IARS1: variants seen among roughly 807,000 people sequenced by gnomAD.
The protein encoded by IARS1 is isoleucine--tRNA ligase, cytoplasmic.
In IARS1, 124 loss-of-function variants were observed where a neutral mutation model predicts 168.2. The ratio of observed to expected loss-of-function variants is 0.74; its 90% CI spans 0.64 to 0.86. The LOEUF (loss-of-function observed/expected upper bound fraction) is 0.86. Among genes scored for constraint, IARS1 ranks in the 40% least tolerant of loss-of-function variants. The pLI, the probability that IARS1 is intolerant of heterozygous loss-of-function variation, is 0.00. For missense variants in IARS1, 1,452 were observed against 1,515.8 expected, an observed-to-expected ratio of 0.96 and a Z score of 0.70; for synonymous variants, 532 against 529.4, an observed-to-expected ratio of 1.00 and a Z score of -0.07.
chr9:92,220,837 C>T (rs147121504), intron 33 of IARS1, among the ~76,000 whole-genome samples: 18,279 of 151,546 alleles, frequency 0.12, 1,176 homozygotes, highest in Middle Eastern at 0.17. Context: ...CATGGTGGCG[C>T]GTGCCTGTAG....
At chr9:92,211,696 C>CA (rs1189243386) in intron 33 of IARS1, among the ~76,000 whole-genome samples, 4 of 151,892 alleles carry the variant, frequency 2.6e-5, no homozygotes, top group Non-Finnish European at 5.9e-5. Flanking sequence ...CCTATGTCTA[C>CA]AAAAAAAGCC....
chr9:92,215,461 A>C (rs1838509222), intron 33 of IARS1, among the ~76,000 whole-genome samples: 1 of 152,224 alleles, frequency 6.6e-6, no homozygotes, highest in Non-Finnish European at 1.5e-5. Context: ...GCTTCAGACG[A>C]TCAAATTACT....
chr9:92,213,484 G>C (rs886518495), intron 33 of IARS1, among the ~76,000 whole-genome samples: 7 of 152,214 alleles, frequency 4.6e-5, no homozygotes, highest in African/African-American at 1.7e-4. Context: ...AAACAGAAGA[G>C]AAGGAGGCAA....
intron 10 of IARS1, among the ~76,000 whole-genome samples, chr9:92,273,581 G>C (rs1833392946): frequency 1.3e-5 from 2 of 152,188 alleles, no homozygotes; most frequent in East Asian, 3.8e-4. Flanking sequence ...TTCTGTGTAT[G>C]TTTCAAGATT....
At chr9:92,265,362 A>G (rs917504504) in intron 15 of IARS1, 118 bp downstream of exon 15, 9 of 980,504 alleles carry the variant, frequency 9.2e-6, no homozygotes, top group Middle Eastern at 2.1e-4. Context: ...GACATGAGTC[A>G]TCAGCAAAGT....
Position 92,269,920 on chromosome 9 carries a change from C to T in IARS1, c.1269G>A (p.Val423=). 3 of 1,613,616 alleles carry T rather than the reference C, an allele frequency of 1.9e-6. No homozygotes were observed. The highest frequency in any genetic ancestry group is 2.2e-5 in the East Asian group (1 of 44,862). ...PSWFVRVENM[V]DQLLRNNDLC... ...GGTCATTGTTCCTTAGGAGCTGGTC[C>T]ACCATGTTCTCCACTCGCACAAACC... The change falls in exon 13 of 34, where the codon GTG becomes GTA. Residue 423 remains valine (V), a synonymous_variant. Coordinates refer to ENST00000443024, the MANE Select transcript of IARS1 (RefSeq NM_002161.6).
chr9:92,283,035 A>G (rs1309421489), intron 6 of IARS1, among the ~76,000 whole-genome samples: 1 of 151,944 alleles, frequency 6.6e-6, no homozygotes, highest in African/African-American at 2.4e-5. Context: ...TTGTAATTTT[A>G]GTAGAGATGG....
At position 92,249,608 on chromosome 9, in the gene IARS1, C is replaced by T. The variant is rs76666737; in HGVS notation, c.2616+250G>A. On this transcript the variant is annotated intron_variant, in intron 25 of 33. Coordinates refer to ENST00000443024, the MANE Select transcript of IARS1 (RefSeq NM_002161.6). ...AAGGAAAGGACAGGACAGAAAAGAA[C>T]AGAACTTCAGGGAAGTGAATGAAGA... Among the ~76,000 whole-genome samples, 1,221 of 152,116 alleles carry T rather than the reference C, an allele frequency of 8.0e-3. 13 individuals carry two copies. The highest frequency in any genetic ancestry group is 0.028 in the African/African-American group (1,169 of 41,506).
chr9:92,268,728 G>A (rs915374036), intron 13 of IARS1, among the ~76,000 whole-genome samples: 23 of 152,170 alleles, frequency 1.5e-4, no homozygotes, highest in African/African-American at 5.3e-4. Flanking sequence ...CACCTCTCTG[G>A]TCATCCTTGG....
rs1832758818 is a variant in IARS1 at position 92,269,740 on chromosome 9, G to A, written c.1304+145C>T. ...TGTAACATTATTTGAATTATTTTGT[G>A]CTCCTAAACACACAGAAGAAAAGAT... is the stretch of plus-strand genomic sequence containing the variant. On this transcript the variant is annotated intron_variant, in intron 13 of 33. Transcript: ENST00000443024. The A allele has an allele frequency of 5.6e-6, 3 of 539,882 alleles. No individual in the cohort carries two copies. In the East Asian group the frequency reaches 9.1e-5, roughly 16 times the overall value. 33.4% of individuals were successfully genotyped at this position (539,882 alleles called of 1,614,324 possible). A position where few individuals can be genotyped will look rare whatever the true frequency, so the allele number is the denominator to read the frequency against.
intron 16 of IARS1, among the ~76,000 whole-genome samples, chr9:92,264,378 C>A (rs545666509): frequency 2.6e-5 from 4 of 151,406 alleles, no homozygotes; most frequent in Non-Finnish European, 5.9e-5. Flanking sequence ...GCCAGCAAAG[C>A]CAATCCATGG....
intron 33 of IARS1, among the ~76,000 whole-genome samples, chr9:92,220,655 C>A (rs1839531403): frequency 6.7e-6 from 1 of 148,264 alleles, no homozygotes; most frequent in South Asian, 2.2e-4. Flanking sequence ...AAACAAAAAA[C>A]ACGAATAGAA....
chr9:92,234,388 C>A (rs889888166), intron 30 of IARS1, among the ~76,000 whole-genome samples: 1 of 152,102 alleles, frequency 6.6e-6, no homozygotes, highest in Non-Finnish European at 1.5e-5. Context: ...CATATCAAAT[C>A]ATATTAAGGC....
At chr9:92,248,572 G>A (rs868744230) in intron 25 of IARS1, among the ~76,000 whole-genome samples, 4 of 146,634 alleles carry the variant, frequency 2.7e-5, no homozygotes, top group East Asian at 4.0e-4. Context: ...AGGATTGCCC[G>A]AGCCCAGGAG....
chr9:92,273,421 A>C (rs1341558279), intron 10 of IARS1, among the ~76,000 whole-genome samples: 3 of 152,190 alleles, frequency 2.0e-5, no homozygotes, highest in Non-Finnish European at 2.9e-5. Context: ...TTAGACACGA[A>C]AGACATGAGG....
Position 92,245,038 on chromosome 9 carries a change from T to C in IARS1, c.2825A>G (p.Asp942Gly), listed in dbSNP as rs1828981863. ...GGTGTACATGAGGCGGATGTCTTCA[T>C]CGTGCAATTCATGGCCTTCCACAAC... Reference protein sequence around the residue: ...TIVVEGHELHDEDIRLMYTFD... With the variant: ...TIVVEGHELHGEDIRLMYTFD... Residue 942 changes from aspartate to glycine, a missense_variant, in exon 27 of 34, where the codon GAT (aspartate) becomes GGT (glycine). Physicochemically the swap from Asp to Gly is moderately conservative, Grantham distance 94. Transcript: ENST00000443024. The C allele has an allele frequency of 1.2e-6, 2 of 1,614,230 alleles. No homozygotes were observed. The highest frequency in any genetic ancestry group is 2.2e-5 in the East Asian group (1 of 44,886).
At chr9:92,258,090 A>T (rs1830986050) in intron 19 of IARS1, among the ~76,000 whole-genome samples, 1 of 152,096 alleles carries the variant, frequency 6.6e-6, no homozygotes, top group Non-Finnish European at 1.5e-5. Flanking sequence ...AACTGCTGTC[A>T]CTCTCAGATT....
At chr9:92,263,455 A>G (rs1831824612) in intron 16 of IARS1, among the ~76,000 whole-genome samples, 1 of 152,260 alleles carries the variant, frequency 6.6e-6, no homozygotes, top group Admixed American at 6.5e-5. Flanking sequence ...ACTCTCACCC[A>G]AAAGTGATAA....
chr9:92,268,936 C>T (rs72750448), intron 13 of IARS1, among the ~76,000 whole-genome samples: 4,654 of 152,228 alleles, frequency 0.031, 112 homozygotes, highest in South Asian at 0.079. Flanking sequence ...TGCAGAAATC[C>T]TTTTCAAGCA....
Sources: gnomAD v4.1 joint callset for allele counts (sites outside exome capture counted in the v4.1 genomes callset) on GRCh38, gnomAD v4.1.1 for gene constraint, MANE v1.5 for transcripts, NCBI Gene and HGNC (gene_info 2026-07-23, HGNC 2026-07-21) for gene names.